THEMIS: variants seen among roughly 807,000 people sequenced by gnomAD.
The protein encoded by THEMIS is thymocyte selection associated.
Under a neutral mutation model 52.6 loss-of-function variants are expected in THEMIS, and 37 were observed. The ratio of observed to expected loss-of-function variants is 0.70; its 90% CI spans 0.54 to 0.93. The LOEUF is 0.93. Ranked by LOEUF, THEMIS falls within the 40% of genes least tolerant of loss-of-function variation. The probability of loss-of-function intolerance (pLI) is 0.00; values close to 1 mark genes in which losing one functional copy is unlikely to be tolerated. For missense variants in THEMIS, 808 were observed against 763.1 expected, an observed-to-expected ratio of 1.06 and a Z score of -0.69; for synonymous variants, 292 against 272.7, an observed-to-expected ratio of 1.07 and a Z score of -0.70.
chr6:127,827,274 T>G (rs1004462963), intron 3 of THEMIS, among the ~76,000 whole-genome samples: 2 of 152,232 alleles, frequency 1.3e-5, no homozygotes, highest in African/African-American at 4.8e-5. Flanking sequence ...ACAAATACTT[T>G]AAATTAGGTA....
intron 4 of THEMIS, among the ~76,000 whole-genome samples, chr6:127,795,969 A>G (rs1169063927): frequency 6.6e-6 from 1 of 152,222 alleles, no homozygotes; most frequent in African/African-American, 2.4e-5. Context: ...GGTACTGGGG[A>G]AATACACTAA....
chr6:127,774,231 A>T (rs1776480791), intron 4 of THEMIS, among the ~76,000 whole-genome samples: 1 of 152,118 alleles, frequency 6.6e-6, no homozygotes, highest in Non-Finnish European at 1.5e-5. Context: ...TTTGAGACGG[A>T]GTCTCGCTCT....
At chr6:127,794,645 T>A (rs1777267240) in intron 4 of THEMIS, among the ~76,000 whole-genome samples, 1 of 152,190 alleles carries the variant, frequency 6.6e-6, no homozygotes, top group African/African-American at 2.4e-5. Flanking sequence ...GTGTTTATTA[T>A]CTCTTTCCTC....
At chr6:127,724,864 C>A (rs1260589918) in intron 4 of THEMIS, among the ~76,000 whole-genome samples, 5 of 151,938 alleles carry the variant, frequency 3.3e-5, no homozygotes, top group African/African-American at 1.2e-4. Context: ...TTGGAAAGAG[C>A]TCTTCAAATC....
chr6:127,821,840 CTAAG>C (rs1562280559), intron 3 of THEMIS, among the ~76,000 whole-genome samples: 1 of 151,930 alleles, frequency 6.6e-6, no homozygotes, highest in African/African-American at 2.4e-5. Context: ...TCTCAACTCA[CTAAG>C]TGAGAACCAA....
rs141326956 is a variant in THEMIS at position 127,829,676 on chromosome 6, T to C, written c.509A>G (p.Glu170Gly). 8.0e-4 allele frequency: 1,295 copies of C among 1,614,060 alleles called. 14 individuals carry two copies. In the African/African-American group the frequency reaches 0.015, roughly 19 times the overall value. The change falls in exon 3 of 6, where the codon GAA (glutamate) becomes GGA (glycine). Residue 170 changes from glutamate to glycine, a missense_variant. By Grantham distance (98) the Glu-to-Gly change is moderately conservative. Coordinates refer to ENST00000368248, the MANE Select transcript of THEMIS (RefSeq NM_001010923.3). ...ATCTTCACACTCGTAGAATTCTCCT[T>C]CTTGTGACAAAGGCAAATTAAATGA... is the stretch of plus-strand genomic sequence containing the variant. ...THSFNLPLSQEGEFYECEDER... is the reference protein window; with the variant it reads ...THSFNLPLSQGGEFYECEDER...
At chr6:127,848,981 T>C (rs1281732592) in intron 2 of THEMIS, among the ~76,000 whole-genome samples, 1 of 152,130 alleles carries the variant, frequency 6.6e-6, no homozygotes, top group Non-Finnish European at 1.5e-5. Flanking sequence ...TTTGTTGTTT[T>C]AGACATGAAG....
chr6:127,812,472 T>C (rs1418471535), intron 4 of THEMIS, among the ~76,000 whole-genome samples: 1 of 151,942 alleles, frequency 6.6e-6, no homozygotes, highest in African/African-American at 2.4e-5. Context: ...TAACCCCCCA[T>C]CCCCAGAAGA....
chr6:127,909,046 T>G (rs1288484599), intron 1 of THEMIS, among the ~76,000 whole-genome samples: 1 of 151,476 alleles, frequency 6.6e-6, no homozygotes, highest in East Asian at 1.9e-4. Context: ...AAATAATATA[T>G]TAAGTATATA....
At chr6:127,902,831 T>A (rs1400460987), upstream of THEMIS, among the ~76,000 whole-genome samples, 1 of 152,070 alleles carries the variant, frequency 6.6e-6, no homozygotes, top group Non-Finnish European at 1.5e-5. Flanking sequence ...GGACTGCTCC[T>A]TAAAAATTAT....
upstream of THEMIS, among the ~76,000 whole-genome samples, chr6:127,903,677 A>G (rs1356088811): frequency 3.3e-5 from 5 of 151,762 alleles, no homozygotes; most frequent in Non-Finnish European, 5.9e-5. Flanking sequence ...AACTAATAAT[A>G]TATTTGACAA....
chr6:127,799,538 T>C (rs1366879564), intron 4 of THEMIS, among the ~76,000 whole-genome samples: 1 of 128,454 alleles, frequency 7.8e-6, no homozygotes, highest in African/African-American at 2.9e-5. Flanking sequence ...TCTCTTTCTT[T>C]CTTTCTTTCT....
intron 2 of THEMIS, among the ~76,000 whole-genome samples, chr6:127,844,923 G>A (rs1381363624): frequency 6.6e-6 from 1 of 151,756 alleles, no homozygotes; most frequent in Non-Finnish European, 1.5e-5. Flanking sequence ...TGAAATGATT[G>A]CTTATTATTT....
At chr6:127,803,307 T>G (rs1239727071) in intron 4 of THEMIS, among the ~76,000 whole-genome samples, 1 of 152,178 alleles carries the variant, frequency 6.6e-6, no homozygotes, top group East Asian at 1.9e-4. Flanking sequence ...TTAGAACCTT[T>G]TCATCACCCG....
intron 4 of THEMIS, among the ~76,000 whole-genome samples, chr6:127,731,361 G>A (rs1210785526): frequency 3.3e-5 from 5 of 151,928 alleles, no homozygotes; most frequent in African/African-American, 4.8e-5. Flanking sequence ...ACATAATCAC[G>A]TAAATATAAT....
chr6:127,722,584 G>A (rs961536562), intron 4 of THEMIS, among the ~76,000 whole-genome samples: 1 of 151,788 alleles, frequency 6.6e-6, no homozygotes, highest in Non-Finnish European at 1.5e-5. Context: ...TTACCCTGAC[G>A]AAAATCTCAT....
chr6:127,890,903 C>T (rs756253420), intron 1 of THEMIS, among the ~76,000 whole-genome samples: 49 of 151,730 alleles, frequency 3.2e-4, no homozygotes, highest in Non-Finnish European at 5.9e-4. Context: ...GTATGGAAAG[C>T]GGCATCCTCT....
chr6:127,912,527 A>G (rs530108690), intron 1 of THEMIS, among the ~76,000 whole-genome samples: 2 of 152,308 alleles, frequency 1.3e-5, no homozygotes, highest in South Asian at 4.1e-4. Flanking sequence ...TGAGTCACAT[A>G]TGTAGGCTGA....
At chr6:127,788,084 G>A (rs1777036358) in intron 4 of THEMIS, among the ~76,000 whole-genome samples, 1 of 152,152 alleles carries the variant, frequency 6.6e-6, no homozygotes, top group South Asian at 2.1e-4. Context: ...ATGACACTTG[G>A]AGTTTGGCTG....
Sources: gnomAD v4.1 joint callset for allele counts (sites outside exome capture counted in the v4.1 genomes callset) on GRCh38, gnomAD v4.1.1 for gene constraint, MANE v1.5 for transcripts, NCBI Gene and HGNC (gene_info 2026-07-23, HGNC 2026-07-21) for gene names.